Variants in STAU2 observed in about 807,000 individuals in gnomAD.
STAU2 encodes staufen double-stranded RNA binding protein 2, also known as double-stranded RNA-binding protein Staufen homolog 2.
Under a neutral mutation model 65.9 loss-of-function variants are expected in STAU2, and 20 were observed. The ratio of observed to expected loss-of-function variants is 0.30; its 90% CI spans 0.21 to 0.44. The LOEUF (loss-of-function observed/expected upper bound fraction) is 0.44, where lower values mean the gene tolerates loss of function less well. STAU2 is among the 20% of genes least tolerant of loss of function. STAU2 has a pLI of 1.00. For missense variants in STAU2, 558 were observed against 683.9 expected (o/e 0.82, Z 2.05); for synonymous variants, 232 against 233.9 (o/e 0.99, Z 0.07).
chr8:73,522,802 G>A (rs1486424108), intron 13 of STAU2, among the ~76,000 whole-genome samples: 2 of 152,190 alleles, frequency 1.3e-5, no homozygotes, highest in Non-Finnish European at 2.9e-5. Flanking sequence ...CTGTCTGGAT[G>A]AGAATTCAGG....
intron 5 of STAU2, among the ~76,000 whole-genome samples, chr8:73,684,842 T>C (rs751818704): frequency 5.3e-5 from 8 of 151,988 alleles, no homozygotes; most frequent in African/African-American, 1.9e-4. Context: ...CCAACAAACA[T>C]GAAAAAATGT....
intron 12 of STAU2, among the ~76,000 whole-genome samples, chr8:73,582,292 G>T (rs1810041231): frequency 6.6e-6 from 1 of 151,668 alleles, no homozygotes; most frequent in South Asian, 2.1e-4. Context: ...AAATGCTTAG[G>T]CAATGTTAAG....
At chr8:73,738,191 A>T in intron 3 of STAU2, 93 bp downstream of exon 3, 1 of 1,121,910 alleles carries the variant, frequency 8.9e-7, no homozygotes, top group Non-Finnish European at 1.3e-6. Flanking sequence ...GAGTCAGGTT[A>T]CAGTTATAGA....
At chr8:73,537,245 T>G (rs1806238778) in intron 13 of STAU2, among the ~76,000 whole-genome samples, 1 of 151,994 alleles carries the variant, frequency 6.6e-6, no homozygotes, top group Non-Finnish European at 1.5e-5. Flanking sequence ...GTCTGTGAGA[T>G]CATAACATCT....
chr8:73,691,924 A>T (rs1429553183), intron 4 of STAU2, among the ~76,000 whole-genome samples: 3 of 152,186 alleles, frequency 2.0e-5, no homozygotes, highest in Non-Finnish European at 4.4e-5. Flanking sequence ...ATAGAGAGCT[A>T]GTCTGAGGGC....
At chr8:73,687,860 C>A (rs924529586) in intron 5 of STAU2, among the ~76,000 whole-genome samples, 1 of 151,176 alleles carries the variant, frequency 6.6e-6, no homozygotes, top group Non-Finnish European at 1.5e-5. Context: ...TACAGGCACC[C>A]GCCACCATGT....
At chr8:73,743,534 C>A (rs1322787222) in intron 1 of STAU2, among the ~76,000 whole-genome samples, 4 of 144,200 alleles carry the variant, frequency 2.8e-5, no homozygotes, top group African/African-American at 1.0e-4. Context: ...GTGCAATGGG[C>A]ACCATGTCGG....
At chr8:73,622,156 C>T (rs1443269483) in intron 6 of STAU2, among the ~76,000 whole-genome samples, 52 of 45,920 alleles carry the variant, frequency 1.1e-3, no homozygotes, top group African/African-American at 3.6e-3. Flanking sequence ...GAGACGGAGT[C>T]TCGCTGTCGC....
rs527837985 is a variant in STAU2, at chr8:73,570,499, G to A, written c.1222+12271C>T. Reference sequence around the variant, plus strand: ...CTGGTGTACCTGAAAGTGACGGGAAGAACGGAACCAAGTTGGAAAACACTC... The same window carrying A: ...CTGGTGTACCTGAAAGTGACGGGAAAAACGGAACCAAGTTGGAAAACACTC... On this transcript the variant is annotated intron_variant, in intron 12 of 14. Transcript: ENST00000524300. 3.9e-5 allele frequency among the ~76,000 whole-genome samples: 6 copies of A among 152,320 alleles called. No homozygotes were observed. The South Asian group carries it at 1.2e-3, about 32-fold the overall frequency.
intron 13 of STAU2, among the ~76,000 whole-genome samples, chr8:73,519,526 G>A (rs1473686539): frequency 6.6e-6 from 1 of 152,122 alleles, no homozygotes; most frequent in African/African-American, 2.4e-5. Flanking sequence ...AACTAATGGA[G>A]ATATTATGAT....
intron 12 of STAU2, chr8:73,561,444 GTTTA>G (rs1808221507): frequency 2.3e-6 from 1 of 431,226 alleles, no homozygotes; most frequent in Admixed American, 2.7e-5. Context: ...TCAATTTTTA[GTTTA>G]TTTAAGTGGG....
intron 6 of STAU2, among the ~76,000 whole-genome samples, chr8:73,620,519 C>T (rs1813148004): frequency 1.3e-5 from 2 of 152,190 alleles, no homozygotes; most frequent in South Asian, 2.1e-4. Context: ...TAACACATAA[C>T]CATACTGAAA....
intron 12 of STAU2, among the ~76,000 whole-genome samples, chr8:73,570,550 C>G (rs1272998255): frequency 1.3e-5 from 2 of 152,214 alleles, no homozygotes; most frequent in East Asian, 3.8e-4. Flanking sequence ...CAGAGAACTT[C>G]CCCAACCTAG....
At chr8:73,556,807 T>C (rs1039010527) in intron 12 of STAU2, among the ~76,000 whole-genome samples, 1 of 151,840 alleles carries the variant, frequency 6.6e-6, no homozygotes, top group Non-Finnish European at 1.5e-5. Flanking sequence ...GTCTGGGGAG[T>C]GGAGCTGGTG....
intron 13 of STAU2, among the ~76,000 whole-genome samples, chr8:73,458,965 G>T (rs1352988040): frequency 1.3e-5 from 2 of 152,186 alleles, no homozygotes; most frequent in Non-Finnish European, 2.9e-5. Context: ...GAAAACAACA[G>T]TGCATTATAA....
In STAU2 at chr8:73,637,477, T is replaced by TAAAAAAAAAAA. The variant is rs60833468; in HGVS notation, c.411-20037_411-20027dup. Reference sequence around the variant, plus strand: ...TAAAGTCTTTATAAAGTGCTGAAAGTAAAAAAAAAAAAAAAAAAAAAAAAA... The same window carrying TAAAAAAAAAAA: ...TAAAGTCTTTATAAAGTGCTGAAAGTAAAAAAAAAAAAAAAAAAAAAAAAAAAAAAAAAAAA... On this transcript the variant is annotated intron_variant, in intron 6 of 14. Transcript: ENST00000524300. 2.5e-3 allele frequency among the ~76,000 whole-genome samples: 145 copies of TAAAAAAAAAAA among 57,092 alleles called. 1 individual carries two copies. The highest frequency in any genetic ancestry group is 3.9e-3 in the African/African-American group (54 of 13,790). 37.5% of individuals were successfully genotyped at this position (57,092 alleles called of 152,430 possible).
rs1158247680 is a variant in STAU2 at position 73,557,129 on chromosome 8, T to C, written c.1223-4810A>G. ...CAGTATTGTTATTATACAGGACTAA[T>C]GGGTTTGCCAATAGCAATATTATAA... is the stretch of plus-strand genomic sequence containing the variant. On this transcript the variant is annotated intron_variant, in intron 12 of 14. Coordinates refer to ENST00000524300, the MANE Select transcript of STAU2 (RefSeq NM_001164380.2). Among the ~76,000 whole-genome samples, 4 of 152,210 alleles carry C rather than the reference T, an allele frequency of 2.6e-5. No individual in the cohort carries two copies. The East Asian group carries it at 7.7e-4, about 29-fold the overall frequency.
chr8:73,480,333 G>T (rs752241923), intron 13 of STAU2, among the ~76,000 whole-genome samples: 3 of 152,142 alleles, frequency 2.0e-5, no homozygotes, highest in Non-Finnish European at 4.4e-5. Context: ...AGCTTGCAAT[G>T]AAGAGATAAA....
intron 11 of STAU2, 28 bp from the exon 12 acceptor site, chr8:73,582,858 C>G: frequency 6.3e-7 from 1 of 1,595,170 alleles, no homozygotes; most frequent in Non-Finnish European, 8.6e-7. Context: ...TCGTTCAAAT[C>G]CAGAGAAACA....
Sources: gnomAD v4.1 joint callset for allele counts (sites outside exome capture counted in the v4.1 genomes callset) on GRCh38, gnomAD v4.1.1 for gene constraint, MANE v1.5 for transcripts, NCBI Gene and HGNC (gene_info 2026-07-23, HGNC 2026-07-21) for gene names.